The following AARD variants were observed in gnomAD, a reference collection of about 807,000 sequenced individuals.
The protein encoded by AARD is alanine and arginine rich domain containing protein, also known as alanine- and arginine-rich domain-containing protein.
Under a neutral mutation model 9.3 loss-of-function variants are expected in AARD, and 9 were observed. The ratio of observed to expected loss-of-function variants is 0.97; its 90% CI spans 0.58 to 1.69. The LOEUF is 1.69. Ranked by LOEUF, AARD falls within the 40% of genes most tolerant of loss-of-function variation. The probability of loss-of-function intolerance (pLI) is 0.00; values close to 1 mark genes in which losing one functional copy is unlikely to be tolerated. For synonymous variants in AARD, 91 were observed against 93.8 expected, an observed-to-expected ratio of 0.97 and a Z score of 0.17; for missense variants, 236 against 210.3, an observed-to-expected ratio of 1.12 and a Z score of -0.76.
Position 116,938,222 on chromosome 8 carries a change from G to A in AARD, c.-22G>A, listed in dbSNP as rs1200560548. The A allele has an allele frequency of 1.3e-6, 2 of 1,561,898 alleles. No individual in the cohort carries two copies. On this transcript the variant is annotated 5_prime_UTR_variant, in exon 1 of 2. Coordinates refer to ENST00000378279, the MANE Select transcript of AARD (RefSeq NM_001025357.3). The stretch of plus-strand genomic sequence containing the variant: ...CTCATCTTTCAGCAGCAGCGGTAGA[G>A]CAGTGACCAGGCGTCTCCGCGATGG...
At chr8:116,941,173 C>G (rs181701688) in intron 1 of AARD, among the ~76,000 whole-genome samples, 1 of 152,300 alleles carries the variant, frequency 6.6e-6, no homozygotes, top group East Asian at 1.9e-4. Context: ...AATCATCAGT[C>G]TCGTCTGGTC....
intron 1 of AARD, among the ~76,000 whole-genome samples, chr8:116,938,999 C>A (rs16889285): frequency 0.012 from 1,766 of 152,246 alleles, 36 homozygotes; most frequent in African/African-American, 0.041. Flanking sequence ...ATTTAGAAAA[C>A]TGGAAGTGAT....
At position 116,938,379 on chromosome 8, in the gene AARD, C is replaced by T; in HGVS notation, c.136C>T (p.Gln46Ter). The T allele has an allele frequency of 1.2e-6, 2 of 1,612,644 alleles. No homozygotes were observed. The highest frequency in any genetic ancestry group is 1.7e-6 in the Non-Finnish European group (2 of 1,179,880). ...CGGGGACGGCAGGAGCACGGACATCCAGGAGGAGGCCCTCGCCGCCAGCCC... is the reference window on the plus strand; with the variant it reads ...CGGGGACGGCAGGAGCACGGACATCTAGGAGGAGGCCCTCGCCGCCAGCCC... ...FFGDGRSTDI[Q>*]EEALAASPLL... The change falls in exon 1 of 2, where the codon CAG becomes TAG. Residue 46 changes from glutamine to a stop codon, truncating the protein, a stop_gained. Transcript: ENST00000378279. LOFTEE classifies it high-confidence loss of function.
chr8:116,938,938 CTCTT>C (rs1044200591), intron 1 of AARD, among the ~76,000 whole-genome samples: 1 of 152,204 alleles, frequency 6.6e-6, no homozygotes, highest in Non-Finnish European at 1.5e-5. Flanking sequence ...CCATCAGTAA[CTCTT>C]TCTTTATGCC....
At chr8:116,939,328 T>C (rs1426140208) in intron 1 of AARD, among the ~76,000 whole-genome samples, 1 of 152,222 alleles carries the variant, frequency 6.6e-6, no homozygotes, top group Non-Finnish European at 1.5e-5. Context: ...ATCGCATTTC[T>C]AAGTTTAAGA....
Position 116,942,716 on chromosome 8 carries a change from A to G in AARD, c.*15A>G. ...ATCCGGAATAAAGAAATGCACACGC[A>G]AGGGCTGGGCGCGGTGGCTCACGCC... On this transcript the variant is annotated 3_prime_UTR_variant, in exon 2 of 2. Transcript: ENST00000378279. The G allele has an allele frequency of 6.2e-7, 1 of 1,611,302 alleles. No homozygotes were observed. The highest frequency in any genetic ancestry group is 2.2e-5 in the East Asian group (1 of 44,830).
intron 1 of AARD, among the ~76,000 whole-genome samples, chr8:116,939,118 C>CA (rs1454127661): frequency 6.6e-6 from 1 of 151,722 alleles, no homozygotes; most frequent in African/African-American, 2.4e-5. Context: ...TTTTTTAATT[C>CA]AAAAAACTGG....
chr8:116,939,990 A>G (rs1813726270), intron 1 of AARD, among the ~76,000 whole-genome samples: 1 of 152,236 alleles, frequency 6.6e-6, no homozygotes, highest in Admixed American at 6.5e-5. Flanking sequence ...GCTTTCAATC[A>G]TAACATTTTA....
intron 1 of AARD, among the ~76,000 whole-genome samples, chr8:116,942,237 A>G (rs1444469565): frequency 1.3e-5 from 2 of 152,210 alleles, no homozygotes; most frequent in Non-Finnish European, 2.9e-5. Flanking sequence ...TTCATTGTGG[A>G]TCACATGCTA....
chr8:116,938,348 C>A lies in AARD; in HGVS notation c.105C>A (p.Asp35Glu). ...GGTTCCCACCTCGTCCCGCGTGCGACTTCTTCGGGGACGGCAGGAGCACGG... is the reference window on the plus strand; with the variant it reads ...GGTTCCCACCTCGTCCCGCGTGCGAATTCTTCGGGGACGGCAGGAGCACGG... The part of the protein sequence containing the change: ...ELWFPPRPAC[D>E]FFGDGRSTDI... The change falls in exon 1 of 2, where the codon GAC (aspartate) becomes GAA (glutamate). Residue 35 changes from aspartate (D) to glutamate (E), a missense_variant. Physicochemically the swap from Asp to Glu is conservative, Grantham distance 45. Transcript: ENST00000378279. The A allele has an allele frequency of 6.2e-7, 1 of 1,613,048 alleles. No homozygotes were observed.
rs1422474263 is a variant in AARD, at chr8:116,943,745, T to C, written c.*1044T>C. 3 of 152,262 alleles carry C rather than the reference T, an allele frequency of 2.0e-5. No individual in the cohort carries two copies. The highest frequency in any genetic ancestry group is 4.4e-5 in the Non-Finnish European group (3 of 68,026). The allele number at this position is 152,262 out of a possible 1,614,324, so 9.4% of individuals were successfully genotyped here. On this transcript the variant is annotated 3_prime_UTR_variant, in exon 2 of 2. Coordinates refer to ENST00000378279, the MANE Select transcript of AARD (RefSeq NM_001025357.3). ...CGCTTCCTTGTTCCTGGGGTCAAGC[T>C]GTATAAGACTCCAGGCCTTGCTCTT...
rs973825591 is a variant in AARD, at chr8:116,942,803, A to T, written c.*102A>T. The T allele has an allele frequency of 7.5e-6, 9 of 1,202,874 alleles. No homozygotes were observed. In the African/African-American group the frequency reaches 1.4e-4, roughly 18 times the overall value. The allele number at this position is 1,202,874 out of a possible 1,614,324, so 74.5% of individuals were successfully genotyped here. A position where few individuals can be genotyped will look rare whatever the true frequency, so the allele number is the denominator to read the frequency against. ...ATCAAGACGTCAGGAGATTGAGACCATCCTGGCTAACACTGTGAAACCCTG... is the reference window on the plus strand; with the variant it reads ...ATCAAGACGTCAGGAGATTGAGACCTTCCTGGCTAACACTGTGAAACCCTG... On this transcript the variant is annotated 3_prime_UTR_variant, in exon 2 of 2. Transcript: ENST00000378279.
chr8:116,938,227 G>C lies in AARD; in HGVS notation c.-17G>C, dbSNP rs777317608. ...CTTTCAGCAGCAGCGGTAGAGCAGT[G>C]ACCAGGCGTCTCCGCGATGGGCCCC... On this transcript the variant is annotated 5_prime_UTR_variant, in exon 1 of 2. Transcript: ENST00000378279. 1 of 1,575,996 alleles carries C rather than the reference G, an allele frequency of 6.3e-7. No homozygotes were observed. The highest frequency in any genetic ancestry group is 1.2e-5 in the South Asian group (1 of 85,762).
At chr8:116,938,932 C>T (rs1234797803) in intron 1 of AARD, among the ~76,000 whole-genome samples, 1 of 152,226 alleles carries the variant, frequency 6.6e-6, no homozygotes, top group Non-Finnish European at 1.5e-5. Context: ...GTGTGTCCAT[C>T]AGTAACTCTT....
At position 116,943,235 on chromosome 8, in the gene AARD, A is replaced by G. The variant is rs578016757; in HGVS notation, c.*534A>G. The G allele has an allele frequency of 4.6e-5, 7 of 152,322 alleles. No homozygotes were observed. The Middle Eastern group carries it at 0.014, about 296-fold the overall frequency. The allele number at this position is 152,322 out of a possible 1,614,324, so 9.4% of individuals were successfully genotyped here. On this transcript the variant is annotated 3_prime_UTR_variant, in exon 2 of 2. Transcript: ENST00000378279. ...TTATTTGTTATTTTTACTGGGACATAGAAGTAAAATATAACTATAGATAAA... is the reference window on the plus strand; with the variant it reads ...TTATTTGTTATTTTTACTGGGACATGGAAGTAAAATATAACTATAGATAAA...
intron 1 of AARD, among the ~76,000 whole-genome samples, chr8:116,940,319 G>A (rs1405936340): frequency 6.6e-6 from 1 of 152,108 alleles, no homozygotes; most frequent in Non-Finnish European, 1.5e-5. Flanking sequence ...TTGTTTAGTG[G>A]CTCTTATTAT....
rs753093088 is a variant in AARD, at chr8:116,938,460, C to G, written c.217C>G (p.Arg73Gly). 6.3e-7 allele frequency: 1 copy of G among 1,596,314 alleles called. No homozygotes were observed. The highest frequency in any genetic ancestry group is 8.5e-7 in the Non-Finnish European group (1 of 1,172,666). ...LTRAFQWAVQRAISRRVQEAA... is the reference protein window; with the variant it reads ...LTRAFQWAVQGAISRRVQEAA... Reference sequence around the variant, plus strand: ...GCGCGCCTTCCAGTGGGCGGTGCAGCGCGCGATCTCGAGGCGCGTGCAGGA... The same window carrying G: ...GCGCGCCTTCCAGTGGGCGGTGCAGGGCGCGATCTCGAGGCGCGTGCAGGA... The change falls in exon 1 of 2, where the codon CGC becomes GGC. Residue 73 changes from arginine (R) to glycine (G), a missense_variant. Coordinates refer to ENST00000378279, the MANE Select transcript of AARD (RefSeq NM_001025357.3).
chr8:116,944,414 CAG>C lies in AARD; in HGVS notation c.*1716_*1717del, dbSNP rs1471298235. 2.0e-5 allele frequency: 3 copies of C among 152,144 alleles called. No homozygotes were observed. The highest frequency in any genetic ancestry group is 1.9e-4 in the East Asian group (1 of 5,200). 9.4% of individuals were successfully genotyped at this position (152,144 alleles called of 1,614,324 possible). ...TGCCCCTGCACTCCAGCCTGGGTGA[CAG>C]AGGGGGACTTGGCCTCGAAAAAATA... On this transcript the variant is annotated 3_prime_UTR_variant, in exon 2 of 2. Transcript: ENST00000378279.
In AARD at chr8:116,943,251, T is replaced by G. The variant is rs899686718; in HGVS notation, c.*550T>G. On this transcript the variant is annotated 3_prime_UTR_variant, in exon 2 of 2. Transcript: ENST00000378279. ...CTGGGACATAGAAGTAAAATATAAC[T>G]ATAGATAAATCTCTCTCTGTCTCTC... 1.3e-5 allele frequency: 2 copies of G among 152,236 alleles called. No individual in the cohort carries two copies. Among genetic ancestry groups the G allele is most frequent in the African/African-American group, 4.8e-5 (2 of 41,460 alleles). The allele number at this position is 152,236 out of a possible 1,614,324, so 9.4% of individuals were successfully genotyped here.
Sources: gnomAD v4.1 joint callset for allele counts (sites outside exome capture counted in the v4.1 genomes callset) on GRCh38, gnomAD v4.1.1 for gene constraint, MANE v1.5 for transcripts, NCBI Gene and HGNC (gene_info 2026-07-23, HGNC 2026-07-21) for gene names.